CAMK2D: variants seen among roughly 807,000 people sequenced by gnomAD.
CAMK2D encodes calcium/calmodulin dependent protein kinase II delta.
In CAMK2D, 37 loss-of-function variants were observed where a neutral mutation model predicts 84.0. The observed-to-expected ratio is 0.44, with a 90% CI of 0.34 to 0.58. The LOEUF (loss-of-function observed/expected upper bound fraction) is 0.58. Among genes scored for constraint, CAMK2D ranks in the 20% least tolerant of loss-of-function variants. CAMK2D has a pLI of 0.02. For synonymous variants in CAMK2D, 202 were observed against 212.5 expected (o/e 0.95, Z 0.43); for missense variants, 448 against 652.5 (o/e 0.69, Z 3.41).
At chr4:113,545,001 G>A (rs1452501776) in intron 6 of CAMK2D, among the ~76,000 whole-genome samples, 1 of 152,122 alleles carries the variant, frequency 6.6e-6, no homozygotes, top group African/African-American at 2.4e-5. Context: ...GAGCCCCAGT[G>A]AGCAGCAGTT....
chr4:113,650,717 G>A (rs953579786), intron 3 of CAMK2D, among the ~76,000 whole-genome samples: 2 of 152,146 alleles, frequency 1.3e-5, no homozygotes, highest in Non-Finnish European at 2.9e-5. Flanking sequence ...AGCATAGCAT[G>A]TTTTTTGACA....
chr4:113,507,071 G>T (rs2098137582), intron 13 of CAMK2D, among the ~76,000 whole-genome samples: 1 of 152,064 alleles, frequency 6.6e-6, no homozygotes, highest in Non-Finnish European at 1.5e-5. Context: ...TGTTTAATAT[G>T]CAGTTAAAGC....
chr4:113,691,744 C>T (rs553047109), intron 2 of CAMK2D, among the ~76,000 whole-genome samples: 14 of 151,902 alleles, frequency 9.2e-5, no homozygotes, highest in African/African-American at 3.4e-4. Flanking sequence ...CAGAGAGACT[C>T]CATCTCAAAA....
In CAMK2D at chr4:113,488,647, T is replaced by C. The variant is rs535660277; in HGVS notation, c.1135+11816A>G. 8.3e-4 allele frequency among the ~76,000 whole-genome samples: 126 copies of C among 152,332 alleles called. 1 individual carries two copies. The highest frequency in any genetic ancestry group is 1.8e-3 in the Admixed American group (28 of 15,292). ...CATATATATGCCTTTAGAGTTTATG[T>C]AGTTTTTTATAAAACAATGCTACAT... On this transcript the variant is annotated intron_variant, in intron 16 of 20. Coordinates refer to ENST00000511664, the MANE Select transcript of CAMK2D (RefSeq NM_001321571.2).
chr4:113,549,395 T>C (rs1156447725), intron 5 of CAMK2D, among the ~76,000 whole-genome samples: 1 of 152,142 alleles, frequency 6.6e-6, no homozygotes, highest in African/African-American at 2.4e-5. Flanking sequence ...AAAGAATAAA[T>C]AAATACAAAT....
chr4:113,716,481 T>C (rs1272904312), intron 2 of CAMK2D, among the ~76,000 whole-genome samples: 1 of 151,738 alleles, frequency 6.6e-6, no homozygotes, highest in Non-Finnish European at 1.5e-5. Flanking sequence ...AAAACCCCTG[T>C]CTCTACAAAA....
chr4:113,496,731 G>A (rs1373724941), intron 16 of CAMK2D, among the ~76,000 whole-genome samples: 2 of 152,006 alleles, frequency 1.3e-5, no homozygotes, highest in Non-Finnish European at 2.9e-5. Context: ...TTACAGGTAT[G>A]AGCCACCACT....
At chr4:113,711,602 G>A (rs1307962959) in intron 2 of CAMK2D, among the ~76,000 whole-genome samples, 1 of 152,112 alleles carries the variant, frequency 6.6e-6, no homozygotes, top group African/African-American at 2.4e-5. Context: ...TGGTTATTCT[G>A]CAAAGAGTAA....
chr4:113,501,658 G>A (rs1471891299), intron 15 of CAMK2D, among the ~76,000 whole-genome samples: 3 of 152,048 alleles, frequency 2.0e-5, no homozygotes, highest in Non-Finnish European at 4.4e-5. Flanking sequence ...ATTTCTTAAT[G>A]TGACCTAGTA....
At chr4:113,458,074 G>A (rs1160368552) in intron 18 of CAMK2D, among the ~76,000 whole-genome samples, 1 of 152,176 alleles carries the variant, frequency 6.6e-6, no homozygotes, top group African/African-American at 2.4e-5. Context: ...AATAAGGCTG[G>A]TGGTAGCCTT....
chr4:113,578,444 C>G (rs1269360477), intron 4 of CAMK2D, among the ~76,000 whole-genome samples: 2 of 152,156 alleles, frequency 1.3e-5, no homozygotes, highest in Non-Finnish European at 2.9e-5. Flanking sequence ...TCTGTTCCAT[C>G]TCGGAATTGT....
Position 113,624,620 on chromosome 4 carries a change from T to C in CAMK2D, c.221-15414A>G, listed in dbSNP as rs138432567. Among the ~76,000 whole-genome samples, 93 of 152,312 alleles carry C rather than the reference T, an allele frequency of 6.1e-4. 1 individual carries two copies. The highest frequency in any genetic ancestry group is 3.4e-3 in the Middle Eastern group (1 of 294). On this transcript the variant is annotated intron_variant, in intron 3 of 20. Coordinates refer to ENST00000511664, the MANE Select transcript of CAMK2D (RefSeq NM_001321571.2). ...AACACAGTAGTACCCTAAAAGGAACTGTAGTCTGCAAAATCTGGTGGTGTA... is the reference window on the plus strand; with the variant it reads ...AACACAGTAGTACCCTAAAAGGAACCGTAGTCTGCAAAATCTGGTGGTGTA...
At chr4:113,578,565 C>T (rs574612791) in intron 4 of CAMK2D, among the ~76,000 whole-genome samples, 3 of 152,194 alleles carry the variant, frequency 2.0e-5, no homozygotes, top group South Asian at 2.1e-4. Context: ...TAGTTTTGCT[C>T]GTTTGGTAGG....
chr4:113,719,825 T>C (rs1159311540), intron 2 of CAMK2D, among the ~76,000 whole-genome samples: 3 of 152,234 alleles, frequency 2.0e-5, no homozygotes, highest in Middle Eastern at 3.4e-3. Flanking sequence ...AGCGCTGATC[T>C]CTATGGGATC....
intron 3 of CAMK2D, among the ~76,000 whole-genome samples, chr4:113,625,369 A>T (rs572096513): frequency 1.7e-3 from 258 of 152,316 alleles, no homozygotes; most frequent in African/African-American, 5.5e-3. Flanking sequence ...TACATAGGAA[A>T]TTGATAAGTG....
chr4:113,700,634 A>T (rs1311201121), intron 2 of CAMK2D, among the ~76,000 whole-genome samples: 1 of 152,208 alleles, frequency 6.6e-6, no homozygotes, highest in Admixed American at 6.5e-5. Context: ...AGGAGGTCCC[A>T]GGTAAACTGC....
Position 113,732,753 on chromosome 4 carries a change from G to A in CAMK2D, c.160+26567C>T, listed in dbSNP as rs2099572205. Among the ~76,000 whole-genome samples the A allele has an allele frequency of 2.0e-5, 3 of 152,178 alleles. No homozygotes were observed. The South Asian group carries it at 6.2e-4, about 32-fold the overall frequency. ...ATTATTTAAATAAAAGGAGCTAAAC[G>A]TGAATTTTCTATAGCTCCTCTGACT... On this transcript the variant is annotated intron_variant, in intron 2 of 20. Transcript: ENST00000511664.
chr4:113,505,968 A>C (rs2098122700), intron 13 of CAMK2D, among the ~76,000 whole-genome samples: 1 of 152,114 alleles, frequency 6.6e-6, no homozygotes, highest in Non-Finnish European at 1.5e-5. Context: ...ATGCATGACA[A>C]CTTACATTAC....
intron 2 of CAMK2D, among the ~76,000 whole-genome samples, chr4:113,680,233 T>C (rs1412048779): frequency 6.6e-6 from 1 of 152,142 alleles, no homozygotes; most frequent in Non-Finnish European, 1.5e-5. Context: ...ACCTGTAAGA[T>C]TTTATCAGAT....
Sources: gnomAD v4.1 joint callset for allele counts (sites outside exome capture counted in the v4.1 genomes callset) on GRCh38, gnomAD v4.1.1 for gene constraint, MANE v1.5 for transcripts, NCBI Gene and HGNC (gene_info 2026-07-23, HGNC 2026-07-21) for gene names.